The following BICD1 variants were observed in gnomAD, a reference collection of about 807,000 sequenced individuals.
BICD1 encodes protein bicaudal D homolog 1.
Under a neutral mutation model 92.5 loss-of-function variants are expected in BICD1, and 35 were observed. That is an observed-to-expected ratio of 0.38 (90% CI 0.29 to 0.50). The LOEUF is 0.50. BICD1 is among the 20% of genes least tolerant of loss of function. The pLI, the probability that BICD1 is intolerant of heterozygous loss-of-function variation, is 0.93. For synonymous variants in BICD1, 429 were observed against 465.1 expected (o/e 0.92, Z 1.00); for missense variants, 950 against 1,189.8 (o/e 0.80, Z 2.97).
At chr12:32,107,943 A>T (rs1174233421) in intron 1 of BICD1, 11 of 513,940 alleles carry the variant, frequency 2.1e-5, no homozygotes, top group Non-Finnish European at 3.5e-5. Context: ...GTGCCTGAGG[A>T]CCCACAATTT....
chr12:32,377,783 A>G lies in BICD1; in HGVS notation c.*156A>G. On this transcript the variant is annotated 3_prime_UTR_variant, in exon 10 of 10. Transcript: ENST00000652176. ...AAGACGAGAGAAAGTTGAGAAGAACACGAAGCACAGACCCTGATGTGATAA... is the reference window on the plus strand; with the variant it reads ...AAGACGAGAGAAAGTTGAGAAGAACGCGAAGCACAGACCCTGATGTGATAA... 2 of 654,400 alleles carry G rather than the reference A, an allele frequency of 3.1e-6. No individual in the cohort carries two copies. Among genetic ancestry groups the G allele is most frequent in the Non-Finnish European group, 5.3e-6 (2 of 376,610 alleles). 40.5% of individuals were successfully genotyped at this position (654,400 alleles called of 1,614,324 possible).
intron 3 of BICD1, among the ~76,000 whole-genome samples, chr12:32,305,184 T>C (rs1948178565): frequency 6.6e-6 from 1 of 152,234 alleles, no homozygotes; most frequent in Non-Finnish European, 1.5e-5. Flanking sequence ...GAGATTATGT[T>C]ATTATAATCG....
chr12:32,340,276 T>G, intron 8 of BICD1: 1 of 985,428 alleles, frequency 1.0e-6, no homozygotes, highest in African/African-American at 1.7e-5. Context: ...TGAGTTGGAA[T>G]GGTGTAATAG....
At chr12:32,253,932 T>C (rs1946640770) in intron 2 of BICD1, among the ~76,000 whole-genome samples, 1 of 149,446 alleles carries the variant, frequency 6.7e-6, no homozygotes, top group African/African-American at 2.5e-5. Flanking sequence ...CACTGCTGTA[T>C]CCCACCTGTC....
At chr12:32,290,737 A>G (rs1205909950) in intron 2 of BICD1, among the ~76,000 whole-genome samples, 1 of 152,206 alleles carries the variant, frequency 6.6e-6, no homozygotes, top group Non-Finnish European at 1.5e-5. Flanking sequence ...CAGCTTAGCA[A>G]GAATTCCCCT....
At chr12:32,329,109 T>TA (rs1008370130) in intron 5 of BICD1, among the ~76,000 whole-genome samples, 26 of 152,106 alleles carry the variant, frequency 1.7e-4, no homozygotes, top group African/African-American at 5.1e-4. Flanking sequence ...ATTATTATTT[T>TA]TTATTTTTGT....
rs1188410620 is a variant in BICD1 at position 32,232,115 on chromosome 12, G to T, written c.426+15656G>T. Among the ~76,000 whole-genome samples, 5 of 151,278 alleles carry T rather than the reference G, an allele frequency of 3.3e-5. No homozygotes were observed. The East Asian group carries it at 9.7e-4, about 29-fold the overall frequency. On this transcript the variant is annotated intron_variant, in intron 2 of 9. Transcript: ENST00000652176. ...TGGGTATATACCCAGTAATGGGATG[G>T]CTGGGTCAAATGGTATTTCTAGTTC...
chr12:32,125,531 G>A (rs1942297050), intron 1 of BICD1, among the ~76,000 whole-genome samples: 1 of 152,186 alleles, frequency 6.6e-6, no homozygotes, highest in African/African-American at 2.4e-5. Context: ...GCAGGAGAGT[G>A]ACATAATTAG....
chr12:32,307,017 A>G (rs1002156786), intron 4 of BICD1, among the ~76,000 whole-genome samples: 4 of 151,040 alleles, frequency 2.6e-5, no homozygotes, highest in Non-Finnish European at 5.9e-5. Flanking sequence ...CGTCATCTCA[A>G]AAAAAAAAGA....
chr12:32,150,502 A>G (rs1234256913), intron 1 of BICD1, among the ~76,000 whole-genome samples: 3 of 152,228 alleles, frequency 2.0e-5, no homozygotes, highest in African/African-American at 7.2e-5. Flanking sequence ...GATTAAAAGA[A>G]TTGTGCTTGA....
chr12:32,203,106 T>C (rs1942284428), intron 1 of BICD1, among the ~76,000 whole-genome samples: 1 of 152,200 alleles, frequency 6.6e-6, no homozygotes. Flanking sequence ...GAGGGGGTAA[T>C]ACATTAAATG....
chr12:32,172,120 C>A (rs1257528850), intron 1 of BICD1, among the ~76,000 whole-genome samples: 2 of 152,138 alleles, frequency 1.3e-5, no homozygotes, highest in Non-Finnish European at 2.9e-5. Context: ...CACGAATGCA[C>A]ACATTGCTGT....
At chr12:32,147,581 T>A (rs1157072836) in intron 1 of BICD1, among the ~76,000 whole-genome samples, 1 of 152,262 alleles carries the variant, frequency 6.6e-6, no homozygotes, top group Non-Finnish European at 1.5e-5. Flanking sequence ...TTTAAAAACA[T>A]CTTCAAGGCT....
chr12:32,367,532 A>G (rs2136331392), intron 8 of BICD1, 138 bp from the exon 9 acceptor site: 4 of 730,006 alleles, frequency 5.5e-6, no homozygotes, highest in East Asian at 2.7e-5. Context: ...AGAAGAAAAA[A>G]AAAAAGCTGA....
chr12:32,331,428 G>A (rs1298464335), intron 5 of BICD1, among the ~76,000 whole-genome samples: 1 of 152,142 alleles, frequency 6.6e-6, no homozygotes, highest in Non-Finnish European at 1.5e-5. Context: ...GTGCTTTGTG[G>A]TACAGGTTGA....
intron 1 of BICD1, among the ~76,000 whole-genome samples, chr12:32,116,508 C>A (rs201375020): frequency 0.12 from 10,705 of 91,808 alleles, 566 homozygotes; most frequent in East Asian, 0.18. Context: ...CTCTCTCTCT[C>A]TCTATATATA....
At chr12:32,352,112 G>A (rs1938911629) in intron 8 of BICD1, among the ~76,000 whole-genome samples, 1 of 152,030 alleles carries the variant, frequency 6.6e-6, no homozygotes, top group African/African-American at 2.4e-5. Context: ...GGCTGAGGCA[G>A]GACAATCACT....
chr12:32,186,800 A>T (rs1944433169), intron 1 of BICD1, among the ~76,000 whole-genome samples: 1 of 152,216 alleles, frequency 6.6e-6, no homozygotes, highest in South Asian at 2.1e-4. Context: ...CCTCTGCTTA[A>T]ATCTCTGCAT....
intron 3 of BICD1, among the ~76,000 whole-genome samples, chr12:32,295,462 T>C (rs2261339): frequency 0.33 from 50,343 of 151,848 alleles, 8,990 homozygotes; most frequent in Non-Finnish European, 0.41. Flanking sequence ...CAAGAATCCA[T>C]AGGGCATGAT....
Sources: gnomAD v4.1 joint callset for allele counts (sites outside exome capture counted in the v4.1 genomes callset) on GRCh38, gnomAD v4.1.1 for gene constraint, MANE v1.5 for transcripts, NCBI Gene and HGNC (gene_info 2026-07-23, HGNC 2026-07-21) for gene names.